The following XKR6 variants were observed in gnomAD, a reference collection of about 807,000 sequenced individuals.
The protein encoded by XKR6 is XK related 6.
XKR6 carries 22 observed loss-of-function variants against 56.7 expected under a neutral mutation model. The observed-to-expected ratio is 0.39, with a 90% confidence interval of 0.28 to 0.55. The LOEUF (loss-of-function observed/expected upper bound fraction) is 0.55. Ranked by LOEUF, XKR6 falls within the 20% of genes least tolerant of loss-of-function variation. The pLI is 0.66. For missense variants in XKR6, 852 were observed against 889.0 expected (o/e 0.96, Z 0.53); for synonymous variants, 524 against 387.8 (o/e 1.35, Z -4.13).
chr8:10,932,425 CT>C (rs71203361), intron 1 of XKR6, among the ~76,000 whole-genome samples: 4,358 of 145,498 alleles, frequency 0.03, 229 homozygotes, highest in African/African-American at 0.1. Flanking sequence ...TTTTCTTTTT[CT>C]TTTTTTTTTT....
intron 1 of XKR6, among the ~76,000 whole-genome samples, chr8:11,029,583 C>T (rs1798946468): frequency 6.6e-6 from 1 of 152,146 alleles, no homozygotes; most frequent in Non-Finnish European, 1.5e-5. Flanking sequence ...GCACACTGGT[C>T]CCAAACTTCA....
At chr8:11,099,279 G>C (rs1798379002) in intron 1 of XKR6, among the ~76,000 whole-genome samples, 1 of 152,338 alleles carries the variant, frequency 6.6e-6, no homozygotes, top group Non-Finnish European at 1.5e-5. Context: ...GCTGACTTTT[G>C]TCACCCTGGC....
intron 1 of XKR6, among the ~76,000 whole-genome samples, chr8:11,014,121 A>T (rs184256303): frequency 6.6e-6 from 1 of 152,336 alleles, no homozygotes; most frequent in African/African-American, 2.4e-5. Context: ...ATTTTTTAAC[A>T]GCCAGTAAAT....
At chr8:10,982,293 C>A (rs10089518) in intron 1 of XKR6, among the ~76,000 whole-genome samples, 1 of 151,998 alleles carries the variant, frequency 6.6e-6, no homozygotes, top group African/African-American at 2.4e-5. Context: ...ATGAAAGATA[C>A]GGTTTCTCAA....
At chr8:11,021,976 C>A (rs1798759006) in intron 1 of XKR6, among the ~76,000 whole-genome samples, 1 of 151,680 alleles carries the variant, frequency 6.6e-6, no homozygotes, top group Non-Finnish European at 1.5e-5. Flanking sequence ...TTTCCTTAGC[C>A]TCTGTCTCCA....
intron 1 of XKR6, among the ~76,000 whole-genome samples, chr8:10,984,704 C>CTA: frequency 1.3e-5 from 1 of 76,286 alleles, no homozygotes; most frequent in Middle Eastern, 5.6e-3. Context: ...GGCTCTCTCT[C>CTA]TCTCTCTCTC....
At chr8:11,050,773 T>A (rs1799527107) in intron 1 of XKR6, among the ~76,000 whole-genome samples, 1 of 151,966 alleles carries the variant, frequency 6.6e-6, no homozygotes, top group African/African-American at 2.4e-5. Flanking sequence ...TTCCCTCATG[T>A]CCCCACAGAC....
At chr8:11,039,227 C>T (rs1466897503) in intron 1 of XKR6, among the ~76,000 whole-genome samples, 1 of 152,184 alleles carries the variant, frequency 6.6e-6, no homozygotes, top group Non-Finnish European at 1.5e-5. Flanking sequence ...GTCATAAAAT[C>T]CACTCCAGAT....
At chr8:11,075,530 T>C (rs1326744178) in intron 1 of XKR6, among the ~76,000 whole-genome samples, 1 of 152,078 alleles carries the variant, frequency 6.6e-6, no homozygotes, top group East Asian at 1.9e-4. Context: ...CACAACTCAA[T>C]CCTCACAGCA....
intron 1 of XKR6, among the ~76,000 whole-genome samples, chr8:11,046,025 T>C (rs1471533004): frequency 6.6e-6 from 1 of 152,144 alleles, no homozygotes; most frequent in Non-Finnish European, 1.5e-5. Flanking sequence ...GAAAACAGTA[T>C]GCAGTCCCTC....
chr8:11,002,770 A>G (rs771082602), intron 1 of XKR6, among the ~76,000 whole-genome samples: 4 of 152,194 alleles, frequency 2.6e-5, no homozygotes, highest in Non-Finnish European at 5.9e-5. Flanking sequence ...AGTGCTAAGG[A>G]TGGTACTGCA....
At chr8:10,963,503 T>A (rs1184541911) in intron 1 of XKR6, among the ~76,000 whole-genome samples, 2 of 151,520 alleles carry the variant, frequency 1.3e-5, no homozygotes, top group South Asian at 2.1e-4. Flanking sequence ...TCAGAGTGAA[T>A]CCACAGTGCC....
chr8:11,002,402 G>A (rs1278969042), intron 1 of XKR6: 1 of 390,878 alleles, frequency 2.6e-6, no homozygotes, highest in Non-Finnish European at 5.4e-6. Context: ...CAGTTCTGTT[G>A]GCCTGGGGGA....
chr8:10,942,936 C>T (rs944456933), intron 1 of XKR6, among the ~76,000 whole-genome samples: 1 of 152,218 alleles, frequency 6.6e-6, no homozygotes, highest in African/African-American at 2.4e-5. Context: ...CCATGTCTGA[C>T]CACATCCCAG....
chr8:11,182,297 T>C (rs1006453621), intron 1 of XKR6, among the ~76,000 whole-genome samples: 1 of 152,148 alleles, frequency 6.6e-6, no homozygotes, highest in Non-Finnish European at 1.5e-5. Flanking sequence ...TGACTTAAAA[T>C]ACCACACAGT....
At chr8:11,186,117 C>A (rs1193791089) in intron 1 of XKR6, among the ~76,000 whole-genome samples, 7 of 152,118 alleles carry the variant, frequency 4.6e-5, no homozygotes, top group African/African-American at 1.4e-4. Flanking sequence ...AAAGGGAAAT[C>A]GTCTCTTGTA....
At chr8:11,189,334 C>G (rs1370969493) in intron 1 of XKR6, among the ~76,000 whole-genome samples, 1 of 152,190 alleles carries the variant, frequency 6.6e-6, no homozygotes, top group Non-Finnish European at 1.5e-5. Flanking sequence ...CTTCAAACTT[C>G]CAAAGAAAGA....
intron 1 of XKR6, among the ~76,000 whole-genome samples, chr8:11,067,531 A>C (rs1016899469): frequency 1.3e-5 from 2 of 152,240 alleles, no homozygotes; most frequent in Admixed American, 6.5e-5. Context: ...TCTCACAGTG[A>C]AACATTATTT....
chr8:11,179,032 T>C (rs1802829572), intron 1 of XKR6, among the ~76,000 whole-genome samples: 1 of 147,326 alleles, frequency 6.8e-6, no homozygotes, highest in South Asian at 2.2e-4. Flanking sequence ...TTTTTTTTTT[T>C]TTTTTTTGGA....
Sources: allele counts gnomAD v4.1 joint callset (sites outside exome capture counted in the v4.1 genomes callset), GRCh38; gene constraint gnomAD v4.1.1; transcripts MANE v1.5; gene names NCBI Gene and HGNC (gene_info 2026-07-23, HGNC 2026-07-21).